Variants in TAFA1 observed in about 807,000 individuals in gnomAD.
TAFA1 encodes the protein chemokine-like protein TAFA-1.
Under a neutral mutation model 18.5 loss-of-function variants are expected in TAFA1, and 4 were observed. The observed-to-expected ratio is 0.22, with a 90% CI of 0.11 to 0.49. The LOEUF (loss-of-function observed/expected upper bound fraction) is 0.49, where lower values mean the gene tolerates loss of function less well. Ranked by LOEUF, TAFA1 falls within the 20% of genes least tolerant of loss-of-function variation. The pLI, the probability that TAFA1 is intolerant of heterozygous loss-of-function variation, is 0.98. For missense variants in TAFA1, 147 were observed against 169.0 expected, an observed-to-expected ratio of 0.87 and a Z score of 0.72; for synonymous variants, 56 against 55.2, an observed-to-expected ratio of 1.01 and a Z score of -0.06.
chr3:68,060,729 T>C lies in TAFA1; in HGVS notation c.118+53985T>C, dbSNP rs529705764. ...CTTTGTCATGGATGTCACGTACATA[T>C]ACCTTAGAGAAAAGATAAAAGAGTT... On this transcript the variant is annotated intron_variant, in intron 2 of 4. Transcript: ENST00000478136. 4.0e-4 allele frequency among the ~76,000 whole-genome samples: 61 copies of C among 152,284 alleles called. No individual in the cohort carries two copies. In the South Asian group the frequency reaches 6.2e-3, roughly 16 times the overall value.
chr3:68,168,336 C>T (rs963076607), intron 2 of TAFA1, among the ~76,000 whole-genome samples: 16 of 152,134 alleles, frequency 1.1e-4, no homozygotes, highest in African/African-American at 3.9e-4. Flanking sequence ...GTTCAACAGA[C>T]TTAGTAATGA....
chr3:68,189,651 A>G (rs2066313929), intron 2 of TAFA1, among the ~76,000 whole-genome samples: 1 of 151,896 alleles, frequency 6.6e-6, no homozygotes, highest in Non-Finnish European at 1.5e-5. Flanking sequence ...TTCTCAGTTC[A>G]GATAAAAATG....
In TAFA1 at chr3:68,401,050, C is replaced by T. The variant is rs117174961; in HGVS notation, c.119-16230C>T. ...GTTGTGCTGGACACTTGGGATAAGC[C>T]GATCAGTGAAAGCAGGCGTGACCAC... On this transcript the variant is annotated intron_variant, in intron 2 of 4. Coordinates refer to ENST00000478136, the MANE Select transcript of TAFA1 (RefSeq NM_213609.4). 3.9e-5 allele frequency among the ~76,000 whole-genome samples: 6 copies of T among 152,270 alleles called. No homozygotes were observed. The East Asian group carries it at 9.7e-4, about 25-fold the overall frequency.
chr3:68,348,474 TC>T (rs2106768753), intron 2 of TAFA1, among the ~76,000 whole-genome samples: 1 of 152,264 alleles, frequency 6.6e-6, no homozygotes, highest in East Asian at 1.9e-4. Flanking sequence ...TCATATGCTT[TC>T]TTGAACTAGA....
intron 2 of TAFA1, among the ~76,000 whole-genome samples, chr3:68,339,166 C>T (rs777680483): frequency 1.4e-4 from 22 of 152,138 alleles, no homozygotes; most frequent in Admixed American, 2.0e-4. Flanking sequence ...TGTAAAGAAC[C>T]GCAGCAGTGC....
chr3:68,358,009 A>G (rs1032680250), intron 2 of TAFA1, among the ~76,000 whole-genome samples: 2 of 152,062 alleles, frequency 1.3e-5, no homozygotes, highest in Non-Finnish European at 2.9e-5. Flanking sequence ...TTCTTACAAA[A>G]GTATTATGTA....
intron 2 of TAFA1, among the ~76,000 whole-genome samples, chr3:68,395,336 G>A (rs2070355452): frequency 6.6e-6 from 1 of 152,326 alleles, no homozygotes; most frequent in South Asian, 2.1e-4. Context: ...CTTTTACACT[G>A]TTGGTGAGAG....
chr3:68,444,051 C>T (rs2106876252), intron 3 of TAFA1, among the ~76,000 whole-genome samples: 1 of 152,262 alleles, frequency 6.6e-6, no homozygotes, highest in South Asian at 2.1e-4. Context: ...GGTCCCTTTC[C>T]TCCATGGCCC....
chr3:68,405,156 G>A (rs1416127641), intron 2 of TAFA1, among the ~76,000 whole-genome samples: 2 of 152,072 alleles, frequency 1.3e-5, no homozygotes, highest in Non-Finnish European at 2.9e-5. Flanking sequence ...AAAGGAGTTT[G>A]TTTGTAATCA....
At chr3:68,053,003 T>C (rs570874379) in intron 2 of TAFA1, among the ~76,000 whole-genome samples, 1 of 152,296 alleles carries the variant, frequency 6.6e-6, no homozygotes, top group Non-Finnish European at 1.5e-5. Context: ...TTTACTTCAC[T>C]GACACCATCA....
chr3:68,490,840 C>CTTT (rs3037411), intron 3 of TAFA1, among the ~76,000 whole-genome samples: 32 of 147,500 alleles, frequency 2.2e-4, no homozygotes, highest in East Asian at 4.0e-4. Context: ...TCTTTTTTTT[C>CTTT]TTTTTTTTTT....
chr3:68,370,448 A>G (rs1198145412), intron 2 of TAFA1, among the ~76,000 whole-genome samples: 1 of 45,906 alleles, frequency 2.2e-5, no homozygotes, highest in African/African-American at 1.2e-4. Flanking sequence ...ATACATATGT[A>G]TATATATGTG....
chr3:68,190,794 A>G (rs1420301035), intron 2 of TAFA1, among the ~76,000 whole-genome samples: 1 of 151,878 alleles, frequency 6.6e-6, no homozygotes, highest in Non-Finnish European at 1.5e-5. Flanking sequence ...AACCATGGAA[A>G]GATAAATTTT....
intron 2 of TAFA1, among the ~76,000 whole-genome samples, chr3:68,031,186 G>C (rs181120323): frequency 1.3e-5 from 2 of 152,280 alleles, no homozygotes; most frequent in African/African-American, 2.4e-5. Context: ...CTGAAGGTTT[G>C]AGTCGATAAT....
intron 2 of TAFA1, among the ~76,000 whole-genome samples, chr3:68,381,561 GCT>G (rs1278781722): frequency 6.6e-6 from 1 of 152,072 alleles, no homozygotes; most frequent in Non-Finnish European, 1.5e-5. Flanking sequence ...TCATGATTTG[GCT>G]CTCTGTTTGT....
intron 2 of TAFA1, among the ~76,000 whole-genome samples, chr3:68,136,141 C>G (rs773217099): frequency 1.9e-4 from 29 of 152,038 alleles, no homozygotes; most frequent in African/African-American, 3.9e-4. Context: ...TGACTGATAG[C>G]CTAGTTTCAA....
intron 2 of TAFA1, among the ~76,000 whole-genome samples, chr3:68,234,310 A>G (rs1228556395): frequency 6.6e-6 from 1 of 152,172 alleles, no homozygotes; most frequent in Non-Finnish European, 1.5e-5. Context: ...CTCAGAGGGA[A>G]GTTGCTTCTA....
intron 3 of TAFA1, among the ~76,000 whole-genome samples, chr3:68,528,563 T>C (rs1362353116): frequency 6.6e-6 from 1 of 152,184 alleles, no homozygotes. Context: ...AGAAAAGAGT[T>C]GTAACAGCTG....
chr3:68,068,709 G>T (rs892847046), intron 2 of TAFA1, among the ~76,000 whole-genome samples: 1 of 152,110 alleles, frequency 6.6e-6, no homozygotes, highest in Non-Finnish European at 1.5e-5. Flanking sequence ...TATGGTTCTA[G>T]TAGCGTGGTT....
Sources: gnomAD v4.1 joint callset for allele counts (sites outside exome capture counted in the v4.1 genomes callset) on GRCh38, gnomAD v4.1.1 for gene constraint, MANE v1.5 for transcripts, NCBI Gene and HGNC (gene_info 2026-07-23, HGNC 2026-07-21) for gene names.